Variants in SLC8A1 observed in about 807,000 individuals in gnomAD.
The protein encoded by SLC8A1 is sodium/calcium exchanger 1.
In SLC8A1, 18 loss-of-function variants were observed where a neutral mutation model predicts 68.3. That is an observed-to-expected ratio of 0.26 (90% CI 0.18 to 0.39). SLC8A1 has a LOEUF of 0.39. Among genes scored for constraint, SLC8A1 ranks in the 10% least tolerant of loss-of-function variants. SLC8A1 has a pLI of 1.00. For synonymous variants in SLC8A1, 475 were observed against 415.5 expected (o/e 1.14, Z -1.74); for missense variants, 985 against 1,156.7 (o/e 0.85, Z 2.15).
At chr2:40,303,706 G>A (rs998340385) in intron 2 of SLC8A1, among the ~76,000 whole-genome samples, 8 of 152,136 alleles carry the variant, frequency 5.3e-5, no homozygotes, top group African/African-American at 1.7e-4. Flanking sequence ...AATGGACTCG[G>A]AGGAATCCTT....
At chr2:40,377,679 T>A (rs779453566) in intron 2 of SLC8A1, among the ~76,000 whole-genome samples, 8 of 152,126 alleles carry the variant, frequency 5.3e-5, no homozygotes, top group Middle Eastern at 3.4e-3. Context: ...ACATACCTGG[T>A]CTTAGTCTCT....
intron 2 of SLC8A1, among the ~76,000 whole-genome samples, chr2:40,344,650 G>A (rs1668702591): frequency 1.3e-5 from 2 of 152,012 alleles, no homozygotes; most frequent in African/African-American, 2.4e-5. Context: ...TAAATGCTGT[G>A]AAAAAAAATT....
chr2:40,493,476 C>A (rs866192657), intron 1 of SLC8A1, among the ~76,000 whole-genome samples: 1 of 149,950 alleles, frequency 6.7e-6, no homozygotes, highest in Non-Finnish European at 1.5e-5. Flanking sequence ...TGCACATGTA[C>A]CCTAAAACTT....
chr2:40,409,491 C>G (rs559380626), intron 2 of SLC8A1, among the ~76,000 whole-genome samples: 1 of 152,062 alleles, frequency 6.6e-6, no homozygotes. Flanking sequence ...CACAAATAAT[C>G]AGAAACATTC....
At chr2:40,227,228 C>A (rs2059095437) in intron 2 of SLC8A1, among the ~76,000 whole-genome samples, 2 of 150,296 alleles carry the variant, frequency 1.3e-5, no homozygotes, top group South Asian at 2.1e-4. Flanking sequence ...GTCTCCACAG[C>A]AAAATTATTT....
intron 1 of SLC8A1, among the ~76,000 whole-genome samples, chr2:40,444,475 A>T (rs946815997): frequency 2.0e-5 from 3 of 152,138 alleles, no homozygotes; most frequent in Non-Finnish European, 4.4e-5. Context: ...TCTAAAACAA[A>T]TTCTGTGAAT....
At chr2:40,206,616 A>T (rs1347692972) in intron 2 of SLC8A1, among the ~76,000 whole-genome samples, 1 of 152,066 alleles carries the variant, frequency 6.6e-6, no homozygotes, top group African/African-American at 2.4e-5. Context: ...CCATCAAATG[A>T]TCCAAACACT....
exon 8 of SLC8A1, chr2:40,115,241 C>G: frequency 6.3e-7 from 1 of 1,581,280 alleles, no homozygotes; most frequent in Non-Finnish European, 8.6e-7. Context: ...TTTACTATAT[C>G]TGATAGTTCC....
chr2:40,277,342 C>A (rs899169916), intron 2 of SLC8A1, among the ~76,000 whole-genome samples: 1 of 151,982 alleles, frequency 6.6e-6, no homozygotes, highest in Admixed American at 6.6e-5. Context: ...GAGTTTGAGA[C>A]CAGCCTGGCC....
intron 2 of SLC8A1, among the ~76,000 whole-genome samples, chr2:40,405,842 A>G (rs933216272): frequency 6.6e-6 from 1 of 152,182 alleles, no homozygotes; most frequent in Admixed American, 6.5e-5. Context: ...TGGTATGAAT[A>G]AGCTTTGACC....
At chr2:40,199,371 C>A (rs1442063766) in intron 2 of SLC8A1, among the ~76,000 whole-genome samples, 1 of 151,522 alleles carries the variant, frequency 6.6e-6, no homozygotes, top group Non-Finnish European at 1.5e-5. Context: ...TCCTCTAGAC[C>A]AACACATGAT....
At chr2:40,493,854 G>T (rs1463449170) in intron 1 of SLC8A1, among the ~76,000 whole-genome samples, 1 of 151,688 alleles carries the variant, frequency 6.6e-6, no homozygotes, top group Non-Finnish European at 1.5e-5. Flanking sequence ...TTCCATCTTT[G>T]TAATGGGTTT....
chr2:40,234,031 G>T (rs202104097), intron 2 of SLC8A1, among the ~76,000 whole-genome samples: 4 of 152,156 alleles, frequency 2.6e-5, no homozygotes, highest in African/African-American at 9.7e-5. Flanking sequence ...GTCAGGTAGC[G>T]TGATGCCTCC....
intron 7 of SLC8A1, among the ~76,000 whole-genome samples, chr2:40,122,205 C>T (rs1030523951): frequency 5.5e-5 from 6 of 110,032 alleles, no homozygotes; most frequent in South Asian, 3.4e-4. Flanking sequence ...CATGCGCGCG[C>T]GCACACACAC....
chr2:40,509,033 C>T (rs1158016405), intron 1 of SLC8A1, among the ~76,000 whole-genome samples: 1 of 152,180 alleles, frequency 6.6e-6, no homozygotes, highest in Non-Finnish European at 1.5e-5. Flanking sequence ...AGGCCATTTT[C>T]TCCTCAACAG....
chr2:40,395,674 T>C (rs908814635), intron 2 of SLC8A1, among the ~76,000 whole-genome samples: 12 of 152,172 alleles, frequency 7.9e-5, no homozygotes, highest in African/African-American at 2.9e-4. Flanking sequence ...AAAGTGGAAC[T>C]GCAGGATTTC....
chr2:40,204,505 T>C lies in SLC8A1; in HGVS notation c.1809-26650A>G, dbSNP rs2055004155. Among the ~76,000 whole-genome samples, 2 of 151,984 alleles carry C rather than the reference T, an allele frequency of 1.3e-5. 1 individual carries two copies. The highest frequency in any genetic ancestry group is 2.9e-5 in the Non-Finnish European group (2 of 67,946). Reference sequence around the variant, plus strand: ...AAAACAACCATATGGACCTTGTTCTTAGCCAGCGCTCCATTAGCTAATTAA... The same window carrying C: ...AAAACAACCATATGGACCTTGTTCTCAGCCAGCGCTCCATTAGCTAATTAA... On this transcript the variant is annotated intron_variant, in intron 2 of 7. Coordinates refer to ENST00000406785, the Ensembl canonical transcript of SLC8A1.
chr2:40,450,768 G>A (rs1212576484), intron 1 of SLC8A1, among the ~76,000 whole-genome samples: 1 of 152,206 alleles, frequency 6.6e-6, no homozygotes, highest in African/African-American at 2.4e-5. Context: ...GGAGAGCCAG[G>A]TTCGGGGGCT....
At chr2:40,294,994 C>T (rs1440069927) in intron 2 of SLC8A1, among the ~76,000 whole-genome samples, 1 of 151,852 alleles carries the variant, frequency 6.6e-6, no homozygotes, top group Non-Finnish European at 1.5e-5. Context: ...GAACTTTACC[C>T]AAATATCTTT....
Sources: gnomAD v4.1 joint callset for allele counts (sites outside exome capture counted in the v4.1 genomes callset) on GRCh38, gnomAD v4.1.1 for gene constraint, MANE v1.5 for transcripts, NCBI Gene and HGNC (gene_info 2026-07-23, HGNC 2026-07-21) for gene names.